AUTS2: variants seen among roughly 807,000 people sequenced by gnomAD.
AUTS2 encodes activator of transcription and developmental regulator AUTS2.
In AUTS2, 17 loss-of-function variants were observed where a neutral mutation model predicts 112.4. The observed-to-expected ratio is 0.15, with a 90% CI of 0.10 to 0.23. The LOEUF is 0.23. Ranked by LOEUF, AUTS2 falls within the 10% of genes least tolerant of loss-of-function variation. AUTS2 has a pLI of 1.00. For missense variants in AUTS2, 1,510 were observed against 1,701.6 expected (o/e 0.89, Z 1.98); for synonymous variants, 751 against 702.7 (o/e 1.07, Z -1.09).
rs1216496687 is a variant in AUTS2, at chr7:70,771,586, C to T, written c.1772C>T (p.Pro591Leu). Reference protein sequence around the residue: ...HSYPPAVSGIPPMIPPTGPFG... With the variant: ...HSYPPAVSGILPMIPPTGPFG... ...TATCCTCCTGCAGTGTCGGGCATCC[C>T]CCCTATGATCCCACCCACTGGCCCT... The change falls in exon 11 of 19, where the codon CCC (proline) becomes CTC (leucine). Residue 591 changes from proline (P) to leucine (L), a missense_variant. Pro to Leu is a moderately conservative substitution (Grantham distance 98, BLOSUM62 -3). Coordinates refer to ENST00000342771, the MANE Select transcript of AUTS2 (RefSeq NM_015570.4). The T allele has an allele frequency of 6.2e-7, 1 of 1,613,590 alleles. No individual in the cohort carries two copies. Among genetic ancestry groups the T allele is most frequent in the Admixed American group, 1.7e-5 (1 of 60,026 alleles).
intron 2 of AUTS2, among the ~76,000 whole-genome samples, chr7:69,940,229 A>AT (rs1250125193): frequency 6.6e-5 from 10 of 152,186 alleles, no homozygotes; most frequent in African/African-American, 2.4e-4. Context: ...TGGACCCCTC[A>AT]TGGTGAGAAG....
At chr7:69,790,862 G>A (rs1354475424) in intron 1 of AUTS2, among the ~76,000 whole-genome samples, 1 of 152,202 alleles carries the variant, frequency 6.6e-6, no homozygotes, top group African/African-American at 2.4e-5. Flanking sequence ...AATTCTTCAT[G>A]CTGTGCTGCT....
rs75924739 is a variant in AUTS2, at chr7:70,432,116, G to A, written c.661-3636G>A. On this transcript the variant is annotated intron_variant, in intron 4 of 18. Transcript: ENST00000342771. Reference sequence around the variant, plus strand: ...CAGCGGGCTCTGAAATCTTGTCATGGAGAGTACTTCGTCACCTCAAGCTGG... The same window carrying A: ...CAGCGGGCTCTGAAATCTTGTCATGAAGAGTACTTCGTCACCTCAAGCTGG... Among the ~76,000 whole-genome samples, 430 of 152,318 alleles carry A rather than the reference G, an allele frequency of 2.8e-3. 1 individual carries two copies. The highest frequency in any genetic ancestry group is 9.5e-3 in the African/African-American group (393 of 41,566).
chr7:70,607,565 A>G (rs1375105317), intron 5 of AUTS2, among the ~76,000 whole-genome samples: 2 of 152,118 alleles, frequency 1.3e-5, no homozygotes, highest in Non-Finnish European at 2.9e-5. Flanking sequence ...GGTGATTTCT[A>G]CCTGTGAGCA....
At chr7:70,730,875 T>A (rs1787344302) in intron 6 of AUTS2, among the ~76,000 whole-genome samples, 1 of 152,238 alleles carries the variant, frequency 6.6e-6, no homozygotes, top group Non-Finnish European at 1.5e-5. Flanking sequence ...ACCAACAGTG[T>A]ATGAGGGTTC....
intron 6 of AUTS2, among the ~76,000 whole-genome samples, chr7:70,735,528 G>A (rs937912131): frequency 5.3e-5 from 8 of 152,138 alleles, no homozygotes; most frequent in East Asian, 1.9e-4. Flanking sequence ...TTTAAGGACC[G>A]CGAGGAGAGT....
chr7:69,919,398 C>G (rs969447259), intron 2 of AUTS2, among the ~76,000 whole-genome samples: 1 of 152,202 alleles, frequency 6.6e-6, no homozygotes, highest in African/African-American at 2.4e-5. Flanking sequence ...ACAAAGACGT[C>G]TTGTCTTCAC....
intron 6 of AUTS2, among the ~76,000 whole-genome samples, chr7:70,734,274 G>C (rs1280140103): frequency 5.3e-5 from 8 of 151,818 alleles, no homozygotes; most frequent in Non-Finnish European, 1.0e-4. Flanking sequence ...CCCGTCTCTA[G>C]TAAAAATACA....
At chr7:69,945,554 T>A (rs1796775356) in intron 2 of AUTS2, among the ~76,000 whole-genome samples, 1 of 152,190 alleles carries the variant, frequency 6.6e-6, no homozygotes, top group African/African-American at 2.4e-5. Context: ...ATAATCAGGT[T>A]AATTAAACAC....
intron 1 of AUTS2, among the ~76,000 whole-genome samples, chr7:69,675,451 C>G (rs140608323): frequency 6.6e-6 from 1 of 151,428 alleles, no homozygotes; most frequent in East Asian, 1.9e-4. Flanking sequence ...CTTCTCCACC[C>G]AGCAGAATAC....
chr7:69,821,590 T>C (rs1351437106), intron 1 of AUTS2, among the ~76,000 whole-genome samples: 1 of 152,140 alleles, frequency 6.6e-6, no homozygotes, highest in Non-Finnish European at 1.5e-5. Flanking sequence ...TCTTAGGGTC[T>C]GCACCACCTT....
intron 4 of AUTS2, among the ~76,000 whole-genome samples, chr7:70,152,111 C>G (rs1562742393): frequency 6.6e-6 from 1 of 152,070 alleles, no homozygotes; most frequent in Non-Finnish European, 1.5e-5. Flanking sequence ...AACTTGAATT[C>G]ATAGCAACAG....
At chr7:69,826,601 A>T (rs976686438) in intron 1 of AUTS2, among the ~76,000 whole-genome samples, 1 of 152,214 alleles carries the variant, frequency 6.6e-6, no homozygotes, top group African/African-American at 2.4e-5. Context: ...AGCACAGTTG[A>T]TAGACGGGAA....
At chr7:70,368,821 T>C (rs1792705515) in intron 4 of AUTS2, among the ~76,000 whole-genome samples, 2 of 152,200 alleles carry the variant, frequency 1.3e-5, no homozygotes, top group Admixed American at 6.5e-5. Flanking sequence ...CAGTGGCTTC[T>C]CTTTTTCCCA....
chr7:70,498,511 A>G (rs1283581590), intron 5 of AUTS2, among the ~76,000 whole-genome samples: 2 of 152,036 alleles, frequency 1.3e-5, no homozygotes, highest in Admixed American at 1.3e-4. Flanking sequence ...GCCTGGTCTC[A>G]AGTGTTTCTC....
At position 70,656,770 on chromosome 7, in the gene AUTS2, G is replaced by A. The variant is rs753272822; in HGVS notation, c.691-41799G>A. Among the ~76,000 whole-genome samples, 11 of 152,098 alleles carry A rather than the reference G, an allele frequency of 7.2e-5. 1 individual carries two copies. In the South Asian group the frequency reaches 8.3e-4, roughly 11 times the overall value. On this transcript the variant is annotated intron_variant, in intron 5 of 18. Coordinates refer to ENST00000342771, the MANE Select transcript of AUTS2 (RefSeq NM_015570.4). The stretch of plus-strand genomic sequence containing the variant: ...TGCAATAGGATTACAGGAGGACATC[G>A]TAGCCACAGATAACCCGGCCATGTT...
intron 4 of AUTS2, among the ~76,000 whole-genome samples, chr7:70,377,902 C>G (rs1185081827): frequency 1.3e-5 from 2 of 151,564 alleles, no homozygotes; most frequent in Non-Finnish European, 1.5e-5. Flanking sequence ...TCCCAAGTAG[C>G]TGGGACTACA....
At chr7:70,617,188 T>C (rs1804417281) in intron 5 of AUTS2, among the ~76,000 whole-genome samples, 1 of 152,148 alleles carries the variant, frequency 6.6e-6, no homozygotes, top group Non-Finnish European at 1.5e-5. Flanking sequence ...AGCATCACAT[T>C]TGCATTCAAG....
chr7:69,894,252 GTTTTTTTTTT>G (rs370966756), intron 1 of AUTS2, among the ~76,000 whole-genome samples: 2 of 36,738 alleles, frequency 5.4e-5, no homozygotes, highest in Non-Finnish European at 9.2e-5. Flanking sequence ...GCCTTAAAGC[GTTTTTTTTTT>G]TTTTTTTTTT....
Sources: gnomAD v4.1 joint callset for allele counts (sites outside exome capture counted in the v4.1 genomes callset) on GRCh38, gnomAD v4.1.1 for gene constraint, MANE v1.5 for transcripts, NCBI Gene and HGNC (gene_info 2026-07-23, HGNC 2026-07-21) for gene names.